Variants in GRIK1 observed in about 807,000 individuals in gnomAD.
GRIK1 encodes the protein glutamate ionotropic receptor kainate type subunit 1, also known as glutamate receptor ionotropic, kainate 1.
GRIK1 carries 69 observed loss-of-function variants against 105.7 expected under a neutral mutation model. That is an observed-to-expected ratio of 0.65 (90% CI 0.54 to 0.80). The LOEUF is 0.80. Among genes scored for constraint, GRIK1 ranks in the 30% least tolerant of loss-of-function variants. The pLI is 0.00. For synonymous variants in GRIK1, 438 were observed against 431.3 expected (o/e 1.02, Z -0.19); for missense variants, 1,109 against 1,167.3 (o/e 0.95, Z 0.73).
chr21:29,809,326 G>GA (rs1463358552), intron 1 of GRIK1, among the ~76,000 whole-genome samples: 4 of 152,178 alleles, frequency 2.6e-5, no homozygotes, highest in African/African-American at 9.6e-5. Flanking sequence ...CAGTGCCTAT[G>GA]AAAATTATGT....
chr21:29,545,797 C>T (rs186924048), intron 16 of GRIK1, among the ~76,000 whole-genome samples: 2 of 152,302 alleles, frequency 1.3e-5, no homozygotes, highest in Admixed American at 1.3e-4. Flanking sequence ...AAGCTACAAA[C>T]TTGGATTTGC....
In GRIK1 at chr21:29,841,193, C is replaced by G. The variant is rs115866080; in HGVS notation, c.118+98190G>C. Among the ~76,000 whole-genome samples the G allele has an allele frequency of 9.4e-3, 1,430 of 152,210 alleles. 21 individuals carry two copies. The highest frequency in any genetic ancestry group is 0.033 in the African/African-American group (1,362 of 41,536). ...GTAATATTTAAATTGATGATGATAGCTATAATAACTTTCCCACTGTCAATA... is the reference window on the plus strand; with the variant it reads ...GTAATATTTAAATTGATGATGATAGGTATAATAACTTTCCCACTGTCAATA... On this transcript the variant is annotated intron_variant, in intron 1 of 17. Coordinates refer to ENST00000327783, the MANE Select transcript of GRIK1 (RefSeq NM_001330994.2).
At chr21:29,609,310 A>G (rs761430926) in intron 7 of GRIK1, among the ~76,000 whole-genome samples, 4 of 152,118 alleles carry the variant, frequency 2.6e-5, no homozygotes, top group Non-Finnish European at 5.9e-5. Context: ...TTCACAGACA[A>G]CTTACTAGCT....
intron 3 of GRIK1, among the ~76,000 whole-genome samples, chr21:29,684,476 G>T (rs922507799): frequency 4.0e-5 from 6 of 151,332 alleles, no homozygotes; most frequent in African/African-American, 1.5e-4. Context: ...AATAATTGCA[G>T]TTTTTGCCAC....
intron 5 of GRIK1, 65 bp downstream of exon 5, chr21:29,654,745 C>T: frequency 2.1e-6 from 2 of 933,766 alleles, no homozygotes; most frequent in South Asian, 2.6e-5. Context: ...GTGAGGCCGA[C>T]TCTGAAATAA....
chr21:29,635,422 C>T (rs555961074), intron 7 of GRIK1, among the ~76,000 whole-genome samples: 30 of 152,298 alleles, frequency 2.0e-4, no homozygotes, highest in African/African-American at 7.2e-4. Context: ...GTCCACACTG[C>T]CCAGTCTTGT....
intron 1 of GRIK1, among the ~76,000 whole-genome samples, chr21:29,930,433 C>G (rs1042049789): frequency 1.2e-4 from 19 of 152,228 alleles, no homozygotes; most frequent in African/African-American, 4.3e-4. Context: ...AGTAAGAACA[C>G]TTGATTTTTA....
At position 29,561,617 on chromosome 21, in the gene GRIK1, G is replaced by C. The variant is rs780985858; in HGVS notation, c.2356+7C>G. On this transcript the variant is annotated splice_region_variant and intron_variant, in intron 15 of 17. Transcript: ENST00000327783. ...TCTCAGTCTTGGTTCATGTCTACCC[G>C]TCTTACCAATAGGTGTTCCCACTCC... 6.4e-7 allele frequency: 1 copy of C among 1,562,074 alleles called. No individual in the cohort carries two copies. Among genetic ancestry groups the C allele is most frequent in the Admixed American group, 1.7e-5 (1 of 59,954 alleles).
chr21:29,605,322 G>A (rs1374001192), intron 7 of GRIK1, among the ~76,000 whole-genome samples: 1 of 152,040 alleles, frequency 6.6e-6, no homozygotes, highest in East Asian at 1.9e-4. Context: ...CGGTGTTTGG[G>A]TTTCTGTTCC....
At chr21:29,804,600 G>C (rs2066809319) in intron 1 of GRIK1, among the ~76,000 whole-genome samples, 1 of 152,136 alleles carries the variant, frequency 6.6e-6, no homozygotes, top group Non-Finnish European at 1.5e-5. Flanking sequence ...CTGTATGATA[G>C]TAGGGCAAAT....
chr21:29,866,260 A>G (rs1252430540), intron 1 of GRIK1, among the ~76,000 whole-genome samples: 2 of 151,948 alleles, frequency 1.3e-5, no homozygotes, highest in Non-Finnish European at 2.9e-5. Flanking sequence ...TAACTTTTGT[A>G]ATTTTTTGTA....
At chr21:29,630,675 G>A in intron 7 of GRIK1, 1 of 442,174 alleles carries the variant, frequency 2.3e-6, no homozygotes, top group Admixed American at 2.8e-5. Context: ...ACCCTGAGCA[G>A]AGAACACAGC....
At chr21:29,813,913 C>CTT (rs35127743) in intron 1 of GRIK1, among the ~76,000 whole-genome samples, 9 of 126,260 alleles carry the variant, frequency 7.1e-5, no homozygotes, top group African/African-American at 8.7e-5. Context: ...AAGAAACATT[C>CTT]TTTTTTTTTT....
chr21:29,925,083 T>C (rs1197228363), intron 1 of GRIK1, among the ~76,000 whole-genome samples: 1 of 152,244 alleles, frequency 6.6e-6, no homozygotes, highest in Non-Finnish European at 1.5e-5. Flanking sequence ...TTCTTATTAC[T>C]ACGTGATGCC....
At position 29,555,073 on chromosome 21, in the gene GRIK1, C is replaced by T; in HGVS notation, c.2586G>A (p.Arg862=). The change falls in exon 16 of 18, where the codon CGG becomes CGA. Residue 862 remains arginine (R), a synonymous_variant. Coordinates refer to ENST00000327783, the MANE Select transcript of GRIK1 (RefSeq NM_001330994.2). The part of the protein sequence containing the change: ...VAIGEFIYKS[R]KNNDIEQKGK... ...TCACCTGTTCAATATCATTATTCTT[C>T]CGTGATTTGTATATGAATTCTCCAA... The T allele has an allele frequency of 6.2e-7, 1 of 1,610,822 alleles. No homozygotes were observed. Among genetic ancestry groups the T allele is most frequent in the Non-Finnish European group, 8.5e-7 (1 of 1,177,088 alleles).
chr21:29,621,245 C>G (rs993285717), intron 7 of GRIK1, among the ~76,000 whole-genome samples: 1 of 152,142 alleles, frequency 6.6e-6, no homozygotes, highest in African/African-American at 2.4e-5. Flanking sequence ...TAAATCTTTG[C>G]TCATACACCT....
intron 1 of GRIK1, among the ~76,000 whole-genome samples, chr21:29,880,694 T>G (rs920999319): frequency 9.2e-5 from 14 of 151,580 alleles, no homozygotes; most frequent in Non-Finnish European, 1.9e-4. Context: ...GCAGATGGAG[T>G]GTCTTTTCAC....
intron 1 of GRIK1, among the ~76,000 whole-genome samples, chr21:29,933,729 T>A (rs1314465820): frequency 6.6e-6 from 1 of 152,164 alleles, no homozygotes; most frequent in African/African-American, 2.4e-5. Flanking sequence ...TTATTATTAT[T>A]TTCTCTTCTA....
intron 16 of GRIK1, among the ~76,000 whole-genome samples, chr21:29,538,144 G>A (rs994923508): frequency 6.6e-6 from 1 of 151,678 alleles, no homozygotes; most frequent in Admixed American, 6.6e-5. Context: ...GTACATAAAT[G>A]GACCAATAAA....
Sources: gnomAD v4.1 joint callset for allele counts (sites outside exome capture counted in the v4.1 genomes callset) on GRCh38, gnomAD v4.1.1 for gene constraint, MANE v1.5 for transcripts, NCBI Gene and HGNC (gene_info 2026-07-23, HGNC 2026-07-21) for gene names.